YES1: variants seen among roughly 807,000 people sequenced by gnomAD.
YES1 encodes the protein YES proto-oncogene 1, Src family tyrosine kinase, also known as tyrosine-protein kinase Yes.
Under a neutral mutation model 70.4 loss-of-function variants are expected in YES1, and 39 were observed. The observed-to-expected ratio is 0.55, with a 90% CI of 0.43 to 0.72. The LOEUF (loss-of-function observed/expected upper bound fraction) is 0.72. YES1 is among the 30% of genes least tolerant of loss of function. YES1 has a pLI of 0.00. For synonymous variants in YES1, 198 were observed against 218.6 expected, an observed-to-expected ratio of 0.91 and a Z score of 0.83; for missense variants, 495 against 644.8, an observed-to-expected ratio of 0.77 and a Z score of 2.52.
chr18:725,305 C>T (rs796883412), intron 11 of YES1, among the ~76,000 whole-genome samples: 10 of 152,178 alleles, frequency 6.6e-5, no homozygotes, highest in African/African-American at 1.7e-4. Context: ...TCCTATCTCC[C>T]GCATCACCTT....
Position 756,728 on chromosome 18 carries a change from C to G in YES1, c.100G>C (p.Ala34Pro). The G allele has an allele frequency of 6.2e-7, 1 of 1,614,184 alleles. No homozygotes were observed. The highest frequency in any genetic ancestry group is 1.3e-5 in the African/African-American group (1 of 75,048). ...PVSTSVSHYG[A>P]EPTTVSPCPS... ...CATGGTGACACTGTAGTGGGTTCTG[C>G]TCCATAATGGCTCACACTTGTACTG... The change falls in exon 2 of 12, where the codon GCA becomes CCA. Residue 34 changes from alanine to proline, a missense_variant. Around this residue, in one of 2 missense-constraint regions of YES1, gnomAD observed 110 missense variants for 104.0 expected, o/e 1.06. Coordinates refer to ENST00000314574, the MANE Select transcript of YES1 (RefSeq NM_005433.4).
chr18:744,911 T>A (rs2080261876), intron 6 of YES1, among the ~76,000 whole-genome samples: 1 of 152,008 alleles, frequency 6.6e-6, no homozygotes, highest in African/African-American at 2.4e-5. Context: ...GCTTATACAA[T>A]CTTTCTTATT....
At chr18:762,027 A>G (rs1414670886) in intron 1 of YES1, among the ~76,000 whole-genome samples, 1 of 151,952 alleles carries the variant, frequency 6.6e-6, no homozygotes, top group Non-Finnish European at 1.5e-5. Flanking sequence ...TCTCTACTAA[A>G]AATACAAAAT....
rs1031952754 is a variant in YES1, at chr18:781,263, C to G, written c.-8-24428G>C. 2.8e-5 allele frequency among the ~76,000 whole-genome samples: 3 copies of G among 108,710 alleles called. No individual in the cohort carries two copies. The Admixed American group carries it at 3.3e-4, about 12-fold the overall frequency. The allele number at this position is 108,710 out of a possible 152,430, so 71.3% of individuals were successfully genotyped here. A position where few individuals can be genotyped will look rare whatever the true frequency, so the allele number is the denominator to read the frequency against. Reference sequence around the variant, plus strand: ...CAGCCTGGGGGACGAGAGTGAAACTCTGTCTCAAAAAAAAAAAAAAAAATA... The same window carrying G: ...CAGCCTGGGGGACGAGAGTGAAACTGTGTCTCAAAAAAAAAAAAAAAAATA... On this transcript the variant is annotated intron_variant, in intron 1 of 11. Transcript: ENST00000314574.
chr18:728,796 T>A (rs1487714244), intron 11 of YES1, among the ~76,000 whole-genome samples: 1 of 152,208 alleles, frequency 6.6e-6, no homozygotes, highest in Non-Finnish European at 1.5e-5. Flanking sequence ...AGTACTGGGA[T>A]TACAGGCCTG....
rs116775236 is a variant in YES1, at chr18:758,551, C to A, written c.-8-1716G>T. On this transcript the variant is annotated intron_variant, in intron 1 of 11. Coordinates refer to ENST00000314574, the MANE Select transcript of YES1 (RefSeq NM_005433.4). ...TCCCCCTTCTAAAATTGTCTCTGTTCCAAGTATTCTCCCCACCTCTCTACC... is the reference window on the plus strand; with the variant it reads ...TCCCCCTTCTAAAATTGTCTCTGTTACAAGTATTCTCCCCACCTCTCTACC... Among the ~76,000 whole-genome samples, 682 of 152,280 alleles carry A rather than the reference C, an allele frequency of 4.5e-3. 3 individuals are homozygous for A. Among genetic ancestry groups the A allele is most frequent in the African/African-American group, 0.015 (637 of 41,558 alleles).
intron 3 of YES1, among the ~76,000 whole-genome samples, chr18:749,790 G>A (rs1382366377): frequency 6.6e-6 from 1 of 151,254 alleles, no homozygotes; most frequent in Non-Finnish European, 1.5e-5. Flanking sequence ...AACCCAGGGG[G>A]CAGAGCTTGC....
intron 11 of YES1, among the ~76,000 whole-genome samples, chr18:727,843 C>T (rs1444233552): frequency 6.6e-6 from 1 of 152,132 alleles, no homozygotes; most frequent in Non-Finnish European, 1.5e-5. Flanking sequence ...CATAATTTCA[C>T]TCTTCCCTGG....
At chr18:760,536 C>T (rs1211090821) in intron 1 of YES1, among the ~76,000 whole-genome samples, 1 of 152,210 alleles carries the variant, frequency 6.6e-6, no homozygotes, top group East Asian at 1.9e-4. Flanking sequence ...GGGATTTGTG[C>T]ACAGGTTATA....
chr18:752,905 T>C (rs946895768), intron 2 of YES1, among the ~76,000 whole-genome samples: 2 of 152,190 alleles, frequency 1.3e-5, no homozygotes, highest in African/African-American at 4.8e-5. Flanking sequence ...ATTATGCCAC[T>C]GCACTGTAGC....
chr18:724,939 T>A (rs2080000305), intron 11 of YES1, among the ~76,000 whole-genome samples: 1 of 152,200 alleles, frequency 6.6e-6, no homozygotes, highest in Non-Finnish European at 1.5e-5. Context: ...TGGTACTTTC[T>A]AATATTAACA....
chr18:755,175 T>G (rs139332425), intron 2 of YES1, among the ~76,000 whole-genome samples: 13 of 152,236 alleles, frequency 8.5e-5, no homozygotes, highest in Non-Finnish European at 1.9e-4. Flanking sequence ...GAATTAAGAC[T>G]GTAATTGACT....
chr18:775,740 T>C (rs1192464362), intron 1 of YES1, among the ~76,000 whole-genome samples: 1 of 152,044 alleles, frequency 6.6e-6, no homozygotes, highest in Non-Finnish European at 1.5e-5. Flanking sequence ...GAGGCTACAG[T>C]GAGCCGTGAT....
chr18:727,129 T>C (rs114701862), intron 11 of YES1, among the ~76,000 whole-genome samples: 270 of 152,340 alleles, frequency 1.8e-3, no homozygotes, highest in African/African-American at 6.2e-3. Context: ...TAGAATATCC[T>C]GATCATATAA....
chr18:795,662 A>G (rs1348969933), intron 1 of YES1, among the ~76,000 whole-genome samples: 2 of 149,584 alleles, frequency 1.3e-5, no homozygotes, highest in Admixed American at 1.4e-4. Context: ...GGAACAGAAA[A>G]CCAAACACCG....
chr18:770,547 A>G (rs1481193349), intron 1 of YES1, among the ~76,000 whole-genome samples: 3 of 152,096 alleles, frequency 2.0e-5, no homozygotes, highest in Non-Finnish European at 4.4e-5. Context: ...ACTTTGCCCT[A>G]CAACTTCTTG....
chr18:783,935 A>G (rs191980922), intron 1 of YES1, among the ~76,000 whole-genome samples: 5 of 152,290 alleles, frequency 3.3e-5, no homozygotes, highest in Admixed American at 6.6e-5. Flanking sequence ...CATGTTATTA[A>G]TATTTGTAAC....
intron 11 of YES1, among the ~76,000 whole-genome samples, chr18:731,944 G>A (rs1598887150): frequency 1.5e-5 from 2 of 133,504 alleles, no homozygotes; most frequent in South Asian, 2.4e-4. Flanking sequence ...TCCAGCCTGG[G>A]CGACAGAGCG....
intron 3 of YES1, among the ~76,000 whole-genome samples, chr18:750,101 A>T (rs1012751696): frequency 1.3e-4 from 20 of 152,206 alleles, no homozygotes; most frequent in Admixed American, 1.0e-3. Context: ...GTCTAAATTA[A>T]AATGTTATAA....
Sources: gnomAD v4.1 joint callset for allele counts (sites outside exome capture counted in the v4.1 genomes callset) on GRCh38, gnomAD v4.1.1 for gene constraint, gnomAD v4.1.1 regional missense constraint, MANE v1.5 for transcripts, NCBI Gene and HGNC (gene_info 2026-07-23, HGNC 2026-07-21) for gene names.